Variants in NEK10 observed in about 807,000 individuals in gnomAD.
NEK10 encodes the protein NIMA related kinase 10, also known as serine/threonine-protein kinase Nek10.
A neutral mutation model predicts 159.8 loss-of-function variants in NEK10; 122 were observed. The ratio of observed to expected loss-of-function variants is 0.76; its 90% CI spans 0.66 to 0.89. The LOEUF (loss-of-function observed/expected upper bound fraction) is 0.89. Among genes scored for constraint, NEK10 ranks in the 40% least tolerant of loss-of-function variants. The pLI is 0.00. For missense variants in NEK10, 1,342 were observed against 1,323.1 expected, an observed-to-expected ratio of 1.01 and a Z score of -0.22; for synonymous variants, 466 against 457.1, an observed-to-expected ratio of 1.02 and a Z score of -0.25.
chr3:27,332,492 G>C (rs1014412170), intron 5 of NEK10, among the ~76,000 whole-genome samples: 40 of 152,066 alleles, frequency 2.6e-4, no homozygotes, highest in African/African-American at 9.4e-4. Context: ...TCATTGTCAG[G>C]TGACCTATTT....
At chr3:27,233,700 G>A (rs1490172028) in intron 23 of NEK10, among the ~76,000 whole-genome samples, 1 of 151,884 alleles carries the variant, frequency 6.6e-6, no homozygotes, top group Non-Finnish European at 1.5e-5. Flanking sequence ...ACAAAGAAGA[G>A]CTGGTACCAT....
intron 32 of NEK10, among the ~76,000 whole-genome samples, chr3:27,124,024 G>A (rs532112108): frequency 1.1e-4 from 16 of 152,174 alleles, no homozygotes; most frequent in Non-Finnish European, 7.4e-5. Context: ...TTGTGTGTGT[G>A]TGTGTACAAG....
At chr3:27,247,092 T>C (rs1416125475) in intron 23 of NEK10, among the ~76,000 whole-genome samples, 1 of 152,212 alleles carries the variant, frequency 6.6e-6, no homozygotes, top group Non-Finnish European at 1.5e-5. Context: ...GACTTCTTCC[T>C]TCCCAATTTG....
At chr3:27,229,804 C>A (rs1329449729) in intron 23 of NEK10, among the ~76,000 whole-genome samples, 1 of 151,860 alleles carries the variant, frequency 6.6e-6, no homozygotes, top group Non-Finnish European at 1.5e-5. Context: ...TTCAAATTAA[C>A]CCAATCAGTC....
chr3:27,313,006 G>A (rs1477151041), intron 7 of NEK10, among the ~76,000 whole-genome samples: 2 of 151,916 alleles, frequency 1.3e-5, no homozygotes, highest in African/African-American at 4.8e-5. Context: ...ACAGGTTTTA[G>A]GAGACTAGCC....
At chr3:27,140,935 A>G (rs1943731273) in intron 31 of NEK10, among the ~76,000 whole-genome samples, 1 of 152,238 alleles carries the variant, frequency 6.6e-6, no homozygotes, top group South Asian at 2.1e-4. Context: ...CATATATAAC[A>G]GAGCCTTCAA....
intron 31 of NEK10, among the ~76,000 whole-genome samples, chr3:27,137,692 G>A (rs1275505717): frequency 2.0e-5 from 3 of 152,154 alleles, no homozygotes; most frequent in African/African-American, 7.2e-5. Flanking sequence ...CTAAGAGAAA[G>A]CTTGACAGCA....
intron 20 of NEK10, among the ~76,000 whole-genome samples, chr3:27,285,469 C>T (rs575657570): frequency 6.7e-6 from 1 of 150,074 alleles, no homozygotes; most frequent in Admixed American, 6.7e-5. Context: ...TGCAATGACA[C>T]AGTTGAAAAT....
intron 5 of NEK10, among the ~76,000 whole-genome samples, chr3:27,334,035 G>T (rs1302369332): frequency 1.3e-5 from 2 of 152,072 alleles, no homozygotes; most frequent in East Asian, 3.9e-4. Context: ...AGAACTGCAG[G>T]GCCCTGAGGA....
intron 9 of NEK10, chr3:27,310,477 C>A (rs961658593): frequency 5.3e-5 from 8 of 152,274 alleles, no homozygotes; most frequent in African/African-American, 1.9e-4. Flanking sequence ...AAACTTGGCT[C>A]CACATGGCTA....
In NEK10 at chr3:27,145,834, A is replaced by ACC. The variant is rs1218684993; in HGVS notation, c.2870-4253_2870-4252insGG. ...AAATCCTAATCCCCAAGGCAATGGC[A>ACC]TTTGGAGGAAGTGAGCTTGGGAGGT... On this transcript the variant is annotated intron_variant, in intron 30 of 35. Coordinates refer to ENST00000691995, the MANE Select transcript of NEK10 (RefSeq NM_001394966.1). Among the ~76,000 whole-genome samples the ACC allele has an allele frequency of 7.3e-3, 1,118 of 152,120 alleles. 5 individuals are homozygous for ACC. The highest frequency in any genetic ancestry group is 0.011 in the Non-Finnish European group (762 of 67,994).
intron 23 of NEK10, among the ~76,000 whole-genome samples, chr3:27,230,848 A>T (rs1171256093): frequency 4.6e-5 from 7 of 152,006 alleles, no homozygotes; most frequent in Non-Finnish European, 1.0e-4. Context: ...CGCACCTAAC[A>T]CTGGAGCTCC....
At chr3:27,133,425 T>C (rs1942835245) in intron 31 of NEK10, among the ~76,000 whole-genome samples, 1 of 152,216 alleles carries the variant, frequency 6.6e-6, no homozygotes, top group African/African-American at 2.4e-5. Context: ...GGGCCCATTA[T>C]GAAGTACTGT....
chr3:27,207,259 G>C (rs1277515102), intron 23 of NEK10, among the ~76,000 whole-genome samples: 1 of 152,098 alleles, frequency 6.6e-6, no homozygotes, highest in East Asian at 1.9e-4. Context: ...ACAACTAAGG[G>C]TTTATAAGAA....
chr3:27,281,879 T>G (rs1487835210), intron 22 of NEK10, among the ~76,000 whole-genome samples: 1 of 152,162 alleles, frequency 6.6e-6, no homozygotes, highest in African/African-American at 2.4e-5. Flanking sequence ...TTTGACCATG[T>G]GGAAAATAGT....
chr3:27,167,274 C>A (rs1249826547), intron 29 of NEK10, among the ~76,000 whole-genome samples: 1 of 152,182 alleles, frequency 6.6e-6, no homozygotes, highest in Non-Finnish European at 1.5e-5. Flanking sequence ...ATAACAGTCA[C>A]AGTCATTCAT....
chr3:27,329,684 C>A (rs1026860052), intron 5 of NEK10, among the ~76,000 whole-genome samples: 2 of 152,192 alleles, frequency 1.3e-5, no homozygotes, highest in Admixed American at 1.3e-4. Context: ...CAAAGTGATA[C>A]TTTTCCCTGG....
intron 30 of NEK10, among the ~76,000 whole-genome samples, chr3:27,156,968 A>G (rs1381853990): frequency 9.9e-5 from 12 of 121,302 alleles, no homozygotes; most frequent in African/African-American, 3.3e-4. Flanking sequence ...ATATATATAT[A>G]TATATATATA....
Position 27,312,147 on chromosome 3 carries a change from C to G in NEK10, c.520G>C (p.Gly174Arg), listed in dbSNP as rs770987521. The G allele has an allele frequency of 6.2e-7, 1 of 1,612,056 alleles. No homozygotes were observed. The change falls in exon 8 of 36, where the codon GGC becomes CGC. Residue 174 changes from glycine (G) to arginine (R), a missense_variant. By Grantham distance (125) the Gly-to-Arg change is moderately radical (BLOSUM62 -2). Coordinates refer to ENST00000691995, the MANE Select transcript of NEK10 (RefSeq NM_001394966.1). ...ACAGTGTGCTGCTCTTCTCCATAGC[C>G]GAGGTACTCATTGGCTACAATCTCC... The part of the protein sequence containing the change: ...YMEIVANEYL[G>R]YGEEQHTVDK...
Sources: gnomAD v4.1 joint callset for allele counts (sites outside exome capture counted in the v4.1 genomes callset) on GRCh38, gnomAD v4.1.1 for gene constraint, MANE v1.5 for transcripts, NCBI Gene and HGNC (gene_info 2026-07-23, HGNC 2026-07-21) for gene names.